Variants in SPTLC1 observed in about 807,000 individuals in gnomAD.
SPTLC1 encodes serine palmitoyltransferase long chain base subunit 1, also known as serine palmitoyltransferase 1.
In SPTLC1, 55 loss-of-function variants were observed where a neutral mutation model predicts 68.9. The observed-to-expected ratio is 0.80, with a 90% confidence interval of 0.64 to 1.00. SPTLC1 has a LOEUF of 1.00. SPTLC1 is among the 50% of genes least tolerant of loss of function. The pLI, the probability that SPTLC1 is intolerant of heterozygous loss-of-function variation, is 0.00. For missense variants in SPTLC1, 449 were observed against 573.1 expected, an observed-to-expected ratio of 0.78 and a Z score of 2.21; for synonymous variants, 197 against 201.6, an observed-to-expected ratio of 0.98 and a Z score of 0.19.
rs7350194 is a variant in SPTLC1 at position 92,038,263 on chromosome 9, C to T, written c.1239G>A (p.Gln413=). ...GSREQDVRLL[Q]EIVDQCMNRS... The stretch of plus-strand genomic sequence containing the variant: ...GGATACTTACTTGATCTACAATTTC[C>T]TGAAGCAGTCTGACATCTTGCTCGC... The change falls in exon 13 of 15, where the codon CAG becomes CAA. Residue 413 remains glutamine, a synonymous_variant. Transcript: ENST00000262554. 6.2e-7 allele frequency: 1 copy of T among 1,613,446 alleles called. No homozygotes were observed. The highest frequency in any genetic ancestry group is 8.5e-7 in the Non-Finnish European group (1 of 1,179,380).
chr9:92,047,042 C>T, intron 11 of SPTLC1, 130 bp downstream of exon 11: 1 of 793,670 alleles, frequency 1.3e-6, no homozygotes, highest in Middle Eastern at 2.9e-4. Context: ...GCCATTCTTC[C>T]TATGAATGCC....
At chr9:92,056,674 C>T (rs1833902909) in intron 7 of SPTLC1, among the ~76,000 whole-genome samples, 1 of 152,182 alleles carries the variant, frequency 6.6e-6, no homozygotes, top group Non-Finnish European at 1.5e-5. Context: ...CCATTACCTT[C>T]TTACTCAGAG....
At chr9:92,040,283 T>A (rs1317719447) in intron 12 of SPTLC1, among the ~76,000 whole-genome samples, 1 of 151,734 alleles carries the variant, frequency 6.6e-6, no homozygotes, top group Non-Finnish European at 1.5e-5. Flanking sequence ...GGTAGTACAA[T>A]CGCTTGAACC....
chr9:92,031,257 A>G lies in SPTLC1; in HGVS notation c.*1208T>C, dbSNP rs1186286065. On this transcript the variant is annotated 3_prime_UTR_variant, in exon 15 of 15. Coordinates refer to ENST00000262554, the MANE Select transcript of SPTLC1 (RefSeq NM_006415.4). Reference sequence around the variant, plus strand: ...CAGCAATCACAAGGCACATATGTACAAAATACCTCAAGCAAAATAGAAACT... The same window carrying G: ...CAGCAATCACAAGGCACATATGTACGAAATACCTCAAGCAAAATAGAAACT... 3 of 152,648 alleles carry G rather than the reference A, an allele frequency of 2.0e-5. No individual in the cohort carries two copies. The highest frequency in any genetic ancestry group is 4.4e-5 in the Non-Finnish European group (3 of 68,014). 9.5% of individuals were successfully genotyped at this position (152,648 alleles called of 1,614,324 possible).
intron 7 of SPTLC1, 144 bp from the exon 8 acceptor site, chr9:92,055,638 G>C: frequency 1.2e-6 from 1 of 834,828 alleles, no homozygotes; most frequent in Non-Finnish European, 1.9e-6. Context: ...TTTGTGATGG[G>C]TTATTTTGAG....
rs752225539 is a variant in SPTLC1 at position 92,079,522 on chromosome 9, C to T, written c.427+494G>A. Reference sequence around the variant, plus strand: ...ATCAAATATTTAGTTGGCCTGTTCCCGGATTATCCATACACAAGGAAATCA... The same window carrying T: ...ATCAAATATTTAGTTGGCCTGTTCCTGGATTATCCATACACAAGGAAATCA... On this transcript the variant is annotated intron_variant, in intron 5 of 14. Transcript: ENST00000262554. 2.3e-5 allele frequency: 37 copies of T among 1,613,852 alleles called. No homozygotes were observed. The East Asian group carries it at 2.5e-4, about 11-fold the overall frequency.
chr9:92,074,377 C>T (rs183751874), intron 5 of SPTLC1, among the ~76,000 whole-genome samples: 1 of 152,182 alleles, frequency 6.6e-6, no homozygotes, highest in African/African-American at 2.4e-5. Context: ...CCTTATTAGA[C>T]CAAGATATTT....
chr9:92,043,076 T>C (rs1203002311), intron 12 of SPTLC1, among the ~76,000 whole-genome samples: 1 of 152,184 alleles, frequency 6.6e-6, no homozygotes, highest in Non-Finnish European at 1.5e-5. Context: ...TGTCCACCTG[T>C]CTGGAACCTC....
chr9:92,077,755 C>G (rs1256200578), intron 5 of SPTLC1, among the ~76,000 whole-genome samples: 1 of 152,316 alleles, frequency 6.6e-6, no homozygotes, highest in East Asian at 1.9e-4. Flanking sequence ...ACCATTGTAG[C>G]TGATATCTCG....
At chr9:92,049,926 A>G (rs1326722533) in intron 9 of SPTLC1, 34 bp downstream of exon 9, 2 of 1,327,328 alleles carry the variant, frequency 1.5e-6, no homozygotes. Flanking sequence ...GTCTCCTATA[A>G]GAGGGGAAAC....
intron 12 of SPTLC1, among the ~76,000 whole-genome samples, chr9:92,039,416 C>T (rs1189430832): frequency 2.0e-5 from 3 of 151,424 alleles, no homozygotes; most frequent in East Asian, 1.9e-4. Flanking sequence ...TGTCATACTA[C>T]TATTATTATT....
chr9:92,034,971 A>C, intron 13 of SPTLC1, 88 bp from the exon 14 acceptor site: 3 of 1,065,690 alleles, frequency 2.8e-6, no homozygotes, highest in East Asian at 2.4e-5. Flanking sequence ...CTGCAACGGT[A>C]GCTTTAATTC....
intron 7 of SPTLC1, among the ~76,000 whole-genome samples, chr9:92,056,355 A>G (rs1833890666): frequency 6.6e-6 from 1 of 152,042 alleles, no homozygotes; most frequent in Admixed American, 6.5e-5. Flanking sequence ...CAGCCTCCCG[A>G]GTAGCTGGGA....
Position 92,037,788 on chromosome 9 carries a change from C to A in SPTLC1, c.1254+460G>T, listed in dbSNP as rs1340478669. On this transcript the variant is annotated intron_variant, in intron 13 of 14. Transcript: ENST00000262554. ...CTTCCTTTCCGTTTACAAGAGCATCCTGACTTCAGGGTGACTGTGAGTGGA... is the reference window on the plus strand; with the variant it reads ...CTTCCTTTCCGTTTACAAGAGCATCATGACTTCAGGGTGACTGTGAGTGGA... 2.6e-5 allele frequency among the ~76,000 whole-genome samples: 4 copies of A among 152,152 alleles called. No homozygotes were observed. In the East Asian group the frequency reaches 5.8e-4, roughly 22 times the overall value.
At chr9:92,056,231 G>A (rs577186780) in intron 7 of SPTLC1, among the ~76,000 whole-genome samples, 1 of 152,114 alleles carries the variant, frequency 6.6e-6, no homozygotes, top group East Asian at 1.9e-4. Context: ...GGGTAGAGAG[G>A]TCTCCTTTTC....
chr9:92,051,603 G>A (rs930096348), intron 8 of SPTLC1, among the ~76,000 whole-genome samples: 37 of 152,176 alleles, frequency 2.4e-4, no homozygotes, highest in Admixed American at 1.9e-3. Flanking sequence ...AGTCAACACT[G>A]TAGTCGAGGT....
chr9:92,090,864 T>C (rs1835337894), intron 3 of SPTLC1, among the ~76,000 whole-genome samples: 2 of 152,068 alleles, frequency 1.3e-5, no homozygotes, highest in South Asian at 4.1e-4. Context: ...TTTCTGCCCA[T>C]CTGCCTGACA....
chr9:92,061,230 CA>C lies in SPTLC1; in HGVS notation c.561-1923del, dbSNP rs1376341611. Among the ~76,000 whole-genome samples the C allele has an allele frequency of 2.6e-5, 4 of 151,654 alleles. No individual in the cohort carries two copies. The East Asian group carries it at 7.7e-4, about 29-fold the overall frequency. On this transcript the variant is annotated intron_variant, in intron 6 of 14. Coordinates refer to ENST00000262554, the MANE Select transcript of SPTLC1 (RefSeq NM_006415.4). ...ATAGATGACTTCTGAAAACAAATGA[CA>C]AAAAAAATCTTGAAAGCAGCCAGAG...
At chr9:92,051,017 CTTTAGT>C in intron 8 of SPTLC1, 1 of 985,174 alleles carries the variant, frequency 1.0e-6, no homozygotes, top group Non-Finnish European at 1.2e-6. Flanking sequence ...TACACTTCAT[CTTTAGT>C]TTCGTATCTG....
Sources: gnomAD v4.1 joint callset for allele counts (sites outside exome capture counted in the v4.1 genomes callset) on GRCh38, gnomAD v4.1.1 for gene constraint, MANE v1.5 for transcripts, NCBI Gene and HGNC (gene_info 2026-07-23, HGNC 2026-07-21) for gene names.